Variants in TRERF1 observed in about 807,000 individuals in gnomAD.
TRERF1 encodes the protein transcriptional-regulating factor 1.
Under a neutral mutation model 122.9 loss-of-function variants are expected in TRERF1, and 27 were observed. The observed-to-expected ratio is 0.22, with a 90% confidence interval of 0.16 to 0.30. The LOEUF is 0.30. Among genes scored for constraint, TRERF1 ranks in the 10% least tolerant of loss-of-function variants. The pLI is 1.00. For missense variants in TRERF1, 1,248 were observed against 1,560.3 expected (o/e 0.80, Z 3.37); for synonymous variants, 636 against 641.7 (o/e 0.99, Z 0.13).
chr6:42,298,864 C>G (rs1056096624), intron 4 of TRERF1, among the ~76,000 whole-genome samples: 4 of 152,040 alleles, frequency 2.6e-5, no homozygotes, highest in African/African-American at 7.2e-5. Flanking sequence ...TGCTTGAGCC[C>G]AGGAGGTGCA....
intron 4 of TRERF1, among the ~76,000 whole-genome samples, chr6:42,272,748 G>A (rs1239737027): frequency 6.6e-6 from 1 of 151,974 alleles, no homozygotes; most frequent in Non-Finnish European, 1.5e-5. Flanking sequence ...AAATGCTCTG[G>A]CCCACTGGGG....
At chr6:42,287,949 A>G (rs1020325159) in intron 4 of TRERF1, among the ~76,000 whole-genome samples, 20 of 151,886 alleles carry the variant, frequency 1.3e-4, no homozygotes, top group African/African-American at 4.8e-4. Context: ...ACCCACTCAG[A>G]TACACCCTGA....
intron 2 of TRERF1, among the ~76,000 whole-genome samples, chr6:42,426,785 C>T (rs1310180922): frequency 6.6e-6 from 1 of 152,080 alleles, no homozygotes; most frequent in African/African-American, 2.4e-5. Context: ...GACAGAGATA[C>T]GGCCCACAAA....
chr6:42,266,600 C>T (rs1429847765), intron 5 of TRERF1, among the ~76,000 whole-genome samples: 1 of 152,224 alleles, frequency 6.6e-6, no homozygotes, highest in Non-Finnish European at 1.5e-5. Context: ...AGGGGAAGTT[C>T]ATCTCTGGCC....
intron 2 of TRERF1, among the ~76,000 whole-genome samples, chr6:42,419,158 T>C (rs1288309776): frequency 6.6e-6 from 1 of 152,224 alleles, no homozygotes; most frequent in Non-Finnish European, 1.5e-5. Context: ...TGGAAACTGA[T>C]ATGAACTGCC....
chr6:42,402,410 C>A (rs1163790019), intron 2 of TRERF1, among the ~76,000 whole-genome samples: 1 of 152,062 alleles, frequency 6.6e-6, no homozygotes, highest in Non-Finnish European at 1.5e-5. Context: ...AGAGAAACAC[C>A]GGGTGCAGGG....
chr6:42,404,108 G>T (rs1779835614), intron 2 of TRERF1, among the ~76,000 whole-genome samples: 1 of 152,154 alleles, frequency 6.6e-6, no homozygotes, highest in Non-Finnish European at 1.5e-5. Context: ...CTAGACTCAA[G>T]TACTAGAATC....
chr6:42,369,453 GAACA>G (rs574031364), intron 2 of TRERF1, among the ~76,000 whole-genome samples: 2 of 151,928 alleles, frequency 1.3e-5, no homozygotes, highest in Non-Finnish European at 2.9e-5. Context: ...CAAAAAATAT[GAACA>G]AACAAACAAA....
chr6:42,442,252 T>C (rs964905488), intron 2 of TRERF1, among the ~76,000 whole-genome samples: 15 of 151,928 alleles, frequency 9.9e-5, no homozygotes, highest in Admixed American at 9.2e-4. Flanking sequence ...CAACTCCAGC[T>C]TTTTTTCTTT....
chr6:42,409,503 G>T (rs1051261247), intron 2 of TRERF1, among the ~76,000 whole-genome samples: 1 of 152,082 alleles, frequency 6.6e-6, no homozygotes, highest in African/African-American at 2.4e-5. Context: ...CTTGCATTAT[G>T]AAGTATTTCA....
At chr6:42,390,840 G>A (rs539244684) in intron 2 of TRERF1, among the ~76,000 whole-genome samples, 1 of 152,120 alleles carries the variant, frequency 6.6e-6, no homozygotes, top group Non-Finnish European at 1.5e-5. Context: ...TGGGGGCAAG[G>A]GGAAAAAACA....
chr6:42,398,524 T>C (rs1377674065), intron 2 of TRERF1, among the ~76,000 whole-genome samples: 2 of 152,238 alleles, frequency 1.3e-5, no homozygotes, highest in Admixed American at 6.5e-5. Flanking sequence ...CACTACTCCA[T>C]TCTGCCTGTG....
intron 2 of TRERF1, among the ~76,000 whole-genome samples, chr6:42,392,743 A>C (rs770101756): frequency 6.6e-6 from 1 of 152,098 alleles, no homozygotes; most frequent in Non-Finnish European, 1.5e-5. Flanking sequence ...TCAAATACCT[A>C]ATTCCTGCCC....
At chr6:42,429,052 C>T (rs1784085493) in intron 2 of TRERF1, among the ~76,000 whole-genome samples, 1 of 152,198 alleles carries the variant, frequency 6.6e-6, no homozygotes, top group Non-Finnish European at 1.5e-5. Context: ...CATCTGTGCC[C>T]AGCAGGCGCT....
Position 42,334,326 on chromosome 6 carries a change from C to G in TRERF1, c.-371+28671G>C, listed in dbSNP as rs959120346. On this transcript the variant is annotated intron_variant, in intron 3 of 17. Coordinates refer to ENST00000372922, the Ensembl canonical transcript of TRERF1. ...CTTCCAGAACAACTGACATCTCAGG[C>G]TCTGCAACAACTTCCACCATTACTA... is the stretch of plus-strand genomic sequence containing the variant. 2.6e-5 allele frequency among the ~76,000 whole-genome samples: 4 copies of G among 152,254 alleles called. No individual in the cohort carries two copies. The South Asian group carries it at 6.2e-4, about 24-fold the overall frequency.
intron 4 of TRERF1, among the ~76,000 whole-genome samples, chr6:42,274,921 G>T (rs1780896383): frequency 3.3e-5 from 5 of 152,154 alleles, no homozygotes; most frequent in Admixed American, 3.3e-4. Flanking sequence ...CATGCAAATT[G>T]TAAAAATACG....
chr6:42,269,090 G>A lies in TRERF1; in HGVS notation c.501C>T (p.His167=), dbSNP rs1258339316. The change falls in exon 5 of 18, where the codon CAC becomes CAT. Residue 167 remains histidine, a synonymous_variant. Coordinates refer to ENST00000372922, the Ensembl canonical transcript of TRERF1. This position sits in a 1 kb window ranked among gnomAD's most constrained non-coding sequence, Gnocchi z 4.9. ...CTCCATCCATCACTGCTGACTGAGT[G>A]TGCAGCACCTGGGCCATATTGTTGA... is the stretch of plus-strand genomic sequence containing the variant. 1.9e-6 allele frequency: 3 copies of A among 1,614,102 alleles called. No individual in the cohort carries two copies. The highest frequency in any genetic ancestry group is 2.5e-6 in the Non-Finnish European group (3 of 1,180,048).
chr6:42,227,843 GC>G (rs1769759434), exon 18 of TRERF1: 1 of 152,324 alleles, frequency 6.6e-6, no homozygotes, highest in Admixed American at 6.5e-5. Context: ...CTGGAAAGCT[GC>G]CCCTAGCATA....
rs565660174 is a variant in TRERF1 at position 42,431,951 on chromosome 6, G to A, written c.-454+19226C>T. Reference sequence around the variant, plus strand: ...AGGAAGCCCTGAAATAAGCTAAAATGGTTAGAAAGAAAGTGATAATAAATG... The same window carrying A: ...AGGAAGCCCTGAAATAAGCTAAAATAGTTAGAAAGAAAGTGATAATAAATG... On this transcript the variant is annotated intron_variant, in intron 2 of 17. Coordinates refer to ENST00000372922, the Ensembl canonical transcript of TRERF1. 3.3e-5 allele frequency among the ~76,000 whole-genome samples: 5 copies of A among 152,320 alleles called. No individual in the cohort carries two copies. In the South Asian group the frequency reaches 1.0e-3, roughly 32 times the overall value.
Sources: allele counts gnomAD v4.1 joint callset (sites outside exome capture counted in the v4.1 genomes callset), GRCh38; gene constraint gnomAD v4.1.1; non-coding constraint Gnocchi (gnomAD v3.1); transcripts MANE v1.5; gene names NCBI Gene and HGNC (gene_info 2026-07-23, HGNC 2026-07-21).